The following LY6G5C variants were observed in gnomAD, a reference collection of about 807,000 sequenced individuals.
LY6G5C encodes lymphocyte antigen 6 complex locus protein G5c.
A neutral mutation model predicts 10.5 loss-of-function variants in LY6G5C; 6 were observed. The ratio of observed to expected loss-of-function variants is 0.57; its 90% CI spans 0.31 to 1.12. LY6G5C has a LOEUF of 1.12. Ranked by LOEUF, LY6G5C falls within the 50% of genes most tolerant of loss-of-function variation. LY6G5C has a pLI of 0.05. For missense variants in LY6G5C, 160 were observed against 185.5 expected, an observed-to-expected ratio of 0.86 and a Z score of 0.80; for synonymous variants, 69 against 67.8, an observed-to-expected ratio of 1.02 and a Z score of -0.09.
intron 2 of LY6G5C, 150 bp downstream of exon 2, chr6:31,678,951 G>T: frequency 1.1e-6 from 1 of 878,266 alleles, no homozygotes; most frequent in Non-Finnish European, 1.8e-6. Flanking sequence ...CTGCACTCCA[G>T]CCTGGGTGAC....
rs1802733264 is a variant in LY6G5C, at chr6:31,679,012, T to C, written c.289+89A>G. On this transcript the variant is annotated intron_variant, in intron 2 of 2. Transcript: ENST00000383237. This position sits in a 1 kb window ranked among gnomAD's most constrained non-coding sequence, Gnocchi z 4.4. ...ATTGGAGCAATGTCTTATGGGATTA[T>C]GGGAACAAGACTTGGGGTGCAGCTT... 3 of 1,376,284 alleles carry C rather than the reference T, an allele frequency of 2.2e-6. No individual in the cohort carries two copies. Among genetic ancestry groups the C allele is most frequent in the Non-Finnish European group, 3.1e-6 (3 of 973,694 alleles). The allele number at this position is 1,376,284 out of a possible 1,614,324, so 85.3% of individuals were successfully genotyped here.
At chr6:31,677,631 A>G (rs1802652526) in intron 2 of LY6G5C, among the ~76,000 whole-genome samples, 2 of 152,178 alleles carry the variant, frequency 1.3e-5, no homozygotes, top group African/African-American at 4.8e-5. Flanking sequence ...TGATATGCGC[A>G]TGCTATGGAG....
At position 31,680,152 on chromosome 6, in the gene LY6G5C, G is replaced by T. The variant is rs2151205506; in HGVS notation, c.121+101C>A. 7.0e-7 allele frequency: 1 copy of T among 1,433,856 alleles called. No homozygotes were observed. The allele number at this position is 1,433,856 out of a possible 1,614,324, so 88.8% of individuals were successfully genotyped here. ...TCTGTCCCATCTCTCCTCCTGCATG[G>T]GTTTACCTGAGCATCCTGGACAGGT... On this transcript the variant is annotated intron_variant, in intron 1 of 2. Transcript: ENST00000383237. The surrounding 1 kb of genome is among the most constrained non-coding windows in gnomAD (Gnocchi z 4.5).
At chr6:31,677,864 A>C (rs998536212) in intron 2 of LY6G5C, among the ~76,000 whole-genome samples, 1 of 152,212 alleles carries the variant, frequency 6.6e-6, no homozygotes, top group Non-Finnish European at 1.5e-5. Context: ...AAAAGTGGTC[A>C]CATGTGCAGG....
rs971167101 is a variant in LY6G5C at position 31,679,776 on chromosome 6, G to A, written c.121+477C>T. The A allele has an allele frequency of 3.7e-5, 7 of 189,312 alleles. No homozygotes were observed. Among genetic ancestry groups the A allele is most frequent in the African/African-American group, 1.2e-4 (5 of 42,466 alleles). The allele number at this position is 189,312 out of a possible 1,614,324, so 11.7% of individuals were successfully genotyped here. On this transcript the variant is annotated intron_variant, in intron 1 of 2. Transcript: ENST00000383237. This position sits in a 1 kb window ranked among gnomAD's most constrained non-coding sequence, Gnocchi z 4.4. ...GAAATCTCCTTCAGAGGCTGGGTGC[G>A]GTGGCTCACGCCTGTAATCCCAGCA...
chr6:31,679,331 C>G lies in LY6G5C; in HGVS notation c.122-63G>C. On this transcript the variant is annotated intron_variant, in intron 1 of 2. Coordinates refer to ENST00000383237, the Ensembl canonical transcript of LY6G5C. The surrounding 1 kb of genome is among the most constrained non-coding windows in gnomAD (Gnocchi z 4.4). ...ATTCTACCTCACACCCTACCACTGC[C>G]TGATTCCAGGCCACTCAGCCCCACT... 6.3e-7 allele frequency: 1 copy of G among 1,587,658 alleles called. No individual in the cohort carries two copies. The highest frequency in any genetic ancestry group is 8.6e-7 in the Non-Finnish European group (1 of 1,157,612).
chr6:31,676,847 G>T, exon 3 of LY6G5C: 1 of 1,055,130 alleles, frequency 9.5e-7, no homozygotes, highest in South Asian at 1.4e-5. Flanking sequence ...GCTGGAGGGA[G>T]GCAAGGAGGG....
chr6:31,680,452 G>C, upstream of LY6G5C: 1 of 1,496,160 alleles, frequency 6.7e-7, no homozygotes, highest in Non-Finnish European at 9.0e-7. The surrounding 1 kb of genome is among the most constrained non-coding windows in gnomAD (Gnocchi z 4.5). Context: ...GGCAACACCA[G>C]CTCAGGGTGG....
chr6:31,680,193 G>T lies in LY6G5C; in HGVS notation c.121+60C>A, dbSNP rs757543252. On this transcript the variant is annotated intron_variant, in intron 1 of 2. Coordinates refer to ENST00000383237, the Ensembl canonical transcript of LY6G5C. The surrounding 1 kb of genome is among the most constrained non-coding windows in gnomAD (Gnocchi z 4.5). The stretch of plus-strand genomic sequence containing the variant: ...CTGGACAGGTGTACCCAGACACTTG[G>T]TGTCTGTGGGTTTCTCCATCCAGGC... 1.4e-5 allele frequency: 22 copies of T among 1,607,604 alleles called. No homozygotes were observed. The highest frequency in any genetic ancestry group is 6.7e-5 in the Admixed American group (4 of 59,864).
chr6:31,676,684 A>C, downstream of LY6G5C: 1 of 458,512 alleles, frequency 2.2e-6, no homozygotes, highest in African/African-American at 1.9e-5. Context: ...AGACATACCA[A>C]ACAGTTTACA....
rs1802766903 is a variant in LY6G5C at position 31,679,502 on chromosome 6, G to A, written c.122-234C>T. 1.7e-6 allele frequency: 1 copy of A among 578,358 alleles called. No individual in the cohort carries two copies. Among genetic ancestry groups the A allele is most frequent in the East Asian group, 2.8e-5 (1 of 35,440 alleles). 35.8% of individuals were successfully genotyped at this position (578,358 alleles called of 1,614,324 possible). ...ATCCCCAGACCCAGCAGAGCACTTG[G>A]TGTTAGGCAGAGGAAAGTGCTAAAC... On this transcript the variant is annotated intron_variant, in intron 1 of 2. Transcript: ENST00000383237. This position sits in a 1 kb window ranked among gnomAD's most constrained non-coding sequence, Gnocchi z 4.4.
At chr6:31,678,725 T>C (rs961501447) in intron 2 of LY6G5C, among the ~76,000 whole-genome samples, 5 of 152,126 alleles carry the variant, frequency 3.3e-5, no homozygotes, top group African/African-American at 1.2e-4. Flanking sequence ...ACGCCTGTAA[T>C]CCCAGCACTC....
At position 31,680,308 on chromosome 6, in the gene LY6G5C, G is replaced by C; in HGVS notation, c.66C>G (p.Pro22=). The C allele has an allele frequency of 6.2e-7, 1 of 1,612,840 alleles. No homozygotes were observed. Residue 22 remains proline (P), a synonymous_variant, in exon 1 of 3, where the codon CCC becomes CCG. Transcript: ENST00000383237. This position sits in a 1 kb window ranked among gnomAD's most constrained non-coding sequence, Gnocchi z 4.5. ...TTAAGAGGACCGTGTAGAGGGCTTG[G>C]GGGCTGCTGTGGAAGCACAGGGGAC...
chr6:31,678,978 A>T, intron 2 of LY6G5C, 123 bp downstream of exon 2: 2 of 1,138,622 alleles, frequency 1.8e-6, no homozygotes, highest in South Asian at 1.5e-5. Flanking sequence ...GCAAAAAAAA[A>T]AAGACAGGAT....
exon 3 of LY6G5C, chr6:31,677,094 C>A: frequency 6.2e-7 from 1 of 1,612,900 alleles, no homozygotes; most frequent in East Asian, 2.2e-5. Flanking sequence ...CTTCGGCAGT[C>A]ACTCACCATG....
chr6:31,680,932 G>C (rs1409087984), upstream of LY6G5C, among the ~76,000 whole-genome samples: 1 of 152,148 alleles, frequency 6.6e-6, no homozygotes, highest in African/African-American at 2.4e-5. This position sits in a 1 kb window ranked among gnomAD's most constrained non-coding sequence, Gnocchi z 4.5. Context: ...ACGAGGAAGC[G>C]GGGCTAATGA....
exon 3 of LY6G5C, chr6:31,676,908 G>A: frequency 6.3e-7 from 1 of 1,581,746 alleles, no homozygotes; most frequent in Non-Finnish European, 8.7e-7. Context: ...AAGTCAGGAA[G>A]GTGGCTGGAA....
exon 3 of LY6G5C, chr6:31,676,761 G>T: frequency 1.8e-6 from 1 of 556,298 alleles, no homozygotes. Flanking sequence ...TGGGCAGTAG[G>T]GCTGGGGGTA....
rs973870348 is a variant in LY6G5C, at chr6:31,679,819, G to A, written c.121+434C>T. 3.2e-5 allele frequency: 6 copies of A among 187,046 alleles called. No homozygotes were observed. The highest frequency in any genetic ancestry group is 2.1e-4 in the Admixed American group (4 of 18,638). The allele number at this position is 187,046 out of a possible 1,614,324, so 11.6% of individuals were successfully genotyped here. A position where few individuals can be genotyped will look rare whatever the true frequency, so the allele number is the denominator to read the frequency against. ...TCCCAGCACTTTGGGAGGCCAAGGC[G>A]GGCAGGTACCTGAGGTCAGGAGTTC... On this transcript the variant is annotated intron_variant, in intron 1 of 2. Transcript: ENST00000383237. This position sits in a 1 kb window ranked among gnomAD's most constrained non-coding sequence, Gnocchi z 4.4.
Sources: allele counts gnomAD v4.1 joint callset (sites outside exome capture counted in the v4.1 genomes callset), GRCh38; gene constraint gnomAD v4.1.1; non-coding constraint Gnocchi (gnomAD v3.1); transcripts MANE v1.5; gene names NCBI Gene and HGNC (gene_info 2026-07-23, HGNC 2026-07-21).